The following ABLIM1 variants were observed in gnomAD, a reference collection of about 807,000 sequenced individuals.
The protein encoded by ABLIM1 is actin binding LIM protein 1, also known as actin-binding LIM protein 1.
A neutral mutation model predicts 107.0 loss-of-function variants in ABLIM1; 40 were observed. The ratio of observed to expected loss-of-function variants is 0.37; its 90% CI spans 0.29 to 0.49. The LOEUF (loss-of-function observed/expected upper bound fraction) is 0.49. Among genes scored for constraint, ABLIM1 ranks in the 20% least tolerant of loss-of-function variants. ABLIM1 has a pLI of 0.97. For missense variants in ABLIM1, 857 were observed against 1,008.5 expected, an observed-to-expected ratio of 0.85 and a Z score of 2.04; for synonymous variants, 357 against 357.3, an observed-to-expected ratio of 1.00 and a Z score of 0.01.
At chr10:114,689,364 GTTT>G (rs35878862), upstream of ABLIM1, among the ~76,000 whole-genome samples, 1 of 132,632 alleles carries the variant, frequency 7.5e-6, no homozygotes, top group Non-Finnish European at 1.6e-5. Flanking sequence ...TTGTATATTG[GTTT>G]TTTTTTTTTT....
intron 1 of ABLIM1, among the ~76,000 whole-genome samples, chr10:114,704,335 T>TC (rs3061769): frequency 1.2e-5 from 1 of 83,442 alleles, no homozygotes; most frequent in Non-Finnish European, 2.5e-5. Flanking sequence ...TATATATATA[T>TC]TGCGCGCGTT....
the ABLIM1 span, among the ~76,000 whole-genome samples, chr10:114,790,523 C>A: frequency 4.6e-5 from 7 of 152,258 alleles, no homozygotes; most frequent in East Asian, 1.3e-3. Flanking sequence ...CTATGGAATA[C>A]AAAAATAAGA....
At chr10:114,510,583 T>C (rs2061709575) in intron 6 of ABLIM1, among the ~76,000 whole-genome samples, 1 of 152,018 alleles carries the variant, frequency 6.6e-6, no homozygotes, top group Non-Finnish European at 1.5e-5. Context: ...GTCTATTTCA[T>C]ATAACAAAAT....
intron 1 of ABLIM1, among the ~76,000 whole-genome samples, chr10:114,647,883 A>T (rs1025182944): frequency 2.0e-5 from 3 of 152,208 alleles, no homozygotes; most frequent in Admixed American, 6.5e-5. Flanking sequence ...CAGCTAAATG[A>T]TTTCTCAAAG....
Position 114,450,644 on chromosome 10 carries a change from A to G in ABLIM1, c.1594+980T>C, listed in dbSNP as rs1201808824. Among the ~76,000 whole-genome samples the G allele has an allele frequency of 2.0e-5, 3 of 151,576 alleles. No homozygotes were observed. In the East Asian group the frequency reaches 5.8e-4, roughly 29 times the overall value. On this transcript the variant is annotated intron_variant, in intron 14 of 22. Transcript: ENST00000533213. ...AATAGAGGAGACAGGGTTTCGCTAC[A>G]TTGGTTGGGCTGGTCTTGAACTCCT...
chr10:114,767,866 C>G (rs115227446), intron 1 of ABLIM1, among the ~76,000 whole-genome samples: 16 of 152,056 alleles, frequency 1.1e-4, no homozygotes, highest in Non-Finnish European at 2.9e-5. Flanking sequence ...TAGGCTCGCC[C>G]ACATCCGGGG....
intron 21 of ABLIM1, 126 bp downstream of exon 21, chr10:114,439,050 T>C (rs1390736334): frequency 4.4e-6 from 5 of 1,131,238 alleles, no homozygotes; most frequent in East Asian, 5.0e-5. Context: ...AAGGTGCATA[T>C]TCATGACATG....
chr10:114,540,339 A>G (rs1367060000), intron 6 of ABLIM1, among the ~76,000 whole-genome samples: 2 of 152,186 alleles, frequency 1.3e-5, no homozygotes, highest in Admixed American at 6.5e-5. Context: ...CACTTAAAGA[A>G]AAGAAAACTG....
chr10:114,481,478 C>T (rs2057364451), intron 8 of ABLIM1, among the ~76,000 whole-genome samples: 1 of 151,608 alleles, frequency 6.6e-6, no homozygotes, highest in African/African-American at 2.4e-5. Context: ...GTGGACAGTA[C>T]CTGCCTTGGG....
At chr10:114,793,533 G>GCTTTATGCTGCA in the ABLIM1 span, among the ~76,000 whole-genome samples, 1 of 152,182 alleles carries the variant, frequency 6.6e-6, no homozygotes, top group African/African-American at 2.4e-5. Flanking sequence ...AAGCAGTGCA[G>GCTTTATGCTGCA]CTTTATGCTG....
chr10:114,768,868 G>T (rs899624546), upstream of ABLIM1, among the ~76,000 whole-genome samples: 6 of 152,088 alleles, frequency 3.9e-5, no homozygotes, highest in African/African-American at 1.4e-4. Context: ...TATATGTCAG[G>T]ATAAAAAGGA....
chr10:114,689,632 G>C (rs2081028631), upstream of ABLIM1, among the ~76,000 whole-genome samples: 1 of 151,888 alleles, frequency 6.6e-6, no homozygotes, highest in South Asian at 2.1e-4. Flanking sequence ...AAAGTGCTGG[G>C]ATTATAGGTA....
At chr10:114,568,335 C>T (rs780169231) in intron 4 of ABLIM1, among the ~76,000 whole-genome samples, 3 of 151,972 alleles carry the variant, frequency 2.0e-5, no homozygotes, top group Non-Finnish European at 4.4e-5. Flanking sequence ...ACCACCATGG[C>T]ACACGTTTAC....
At chr10:114,746,270 C>T (rs909465348) in intron 1 of ABLIM1, among the ~76,000 whole-genome samples, 1 of 152,152 alleles carries the variant, frequency 6.6e-6, no homozygotes, top group African/African-American at 2.4e-5. Context: ...CCTCAGTAAC[C>T]ACCATTCTAC....
At chr10:114,741,502 G>C (rs1221892802) in intron 1 of ABLIM1, among the ~76,000 whole-genome samples, 1 of 152,030 alleles carries the variant, frequency 6.6e-6, no homozygotes. Flanking sequence ...TGGGATTACA[G>C]GCGTGAGCCA....
At chr10:114,592,368 T>G (rs2074979533) in intron 2 of ABLIM1, among the ~76,000 whole-genome samples, 1 of 152,020 alleles carries the variant, frequency 6.6e-6, no homozygotes, top group African/African-American at 2.4e-5. Context: ...TTTAAGAACG[T>G]TCAGGAAGGA....
At chr10:114,538,885 G>A (rs1461052297) in intron 6 of ABLIM1, among the ~76,000 whole-genome samples, 2 of 152,254 alleles carry the variant, frequency 1.3e-5, no homozygotes, top group African/African-American at 2.4e-5. Flanking sequence ...GACAGCTTGA[G>A]AGGCCAAGAG....
At chr10:114,543,593 C>T (rs1591061992) in intron 6 of ABLIM1, among the ~76,000 whole-genome samples, 1 of 152,194 alleles carries the variant, frequency 6.6e-6, no homozygotes, top group East Asian at 1.9e-4. Context: ...CTGCTGTGAA[C>T]GCGTGCGTAC....
the ABLIM1 span, among the ~76,000 whole-genome samples, chr10:114,780,267 C>A: frequency 6.6e-6 from 1 of 152,276 alleles, no homozygotes; most frequent in Admixed American, 6.5e-5. Context: ...GAAGGTGAAA[C>A]TTTCTGTGGG....
Sources: allele counts gnomAD v4.1 joint callset (sites outside exome capture counted in the v4.1 genomes callset), GRCh38; gene constraint gnomAD v4.1.1; transcripts MANE v1.5; gene names NCBI Gene and HGNC (gene_info 2026-07-23, HGNC 2026-07-21).